FRMD1: variants seen among roughly 807,000 people sequenced by gnomAD.
FRMD1 encodes the protein FERM domain-containing protein 1.
FRMD1 carries 51 observed loss-of-function variants against 54.9 expected under a neutral mutation model. The ratio of observed to expected loss-of-function variants is 0.93; its 90% CI spans 0.74 to 1.17. The LOEUF (loss-of-function observed/expected upper bound fraction) is 1.17, where lower values mean the gene tolerates loss of function less well. FRMD1 is among the 50% of genes most tolerant of loss of function. The pLI, the probability that FRMD1 is intolerant of heterozygous loss-of-function variation, is 0.00. For missense variants in FRMD1, 729 were observed against 743.0 expected (o/e 0.98, Z 0.22); for synonymous variants, 324 against 306.4 (o/e 1.06, Z -0.60).
intron 10 of FRMD1, 91 bp from the exon 11 acceptor site, chr6:168,057,430 A>T: frequency 6.5e-7 from 1 of 1,545,470 alleles, no homozygotes; most frequent in Non-Finnish European, 8.7e-7. Flanking sequence ...CCACAGAGCC[A>T]CACTCCCTGC....
chr6:168,065,902 T>G, intron 4 of FRMD1: 2 of 1,000,232 alleles, frequency 2.0e-6, no homozygotes, highest in Non-Finnish European at 1.2e-6. Context: ...CACGCACCCC[T>G]GAAGCTCTGT....
intron 4 of FRMD1, chr6:168,065,751 C>G (rs1332140365): frequency 5.0e-6 from 5 of 990,612 alleles, no homozygotes; most frequent in Non-Finnish European, 6.0e-6. Context: ...CTCCAGAACC[C>G]TCCCACACAA....
upstream of FRMD1, among the ~76,000 whole-genome samples, chr6:168,086,546 C>T (rs9455949): frequency 2.7e-5 from 2 of 74,872 alleles, no homozygotes; most frequent in Admixed American, 1.5e-4. Context: ...ACACCCACAT[C>T]TTCAGTGTGG....
chr6:168,092,165 C>T (rs561629060), intron 1 of FRMD1, among the ~76,000 whole-genome samples: 5 of 152,376 alleles, frequency 3.3e-5, no homozygotes, highest in South Asian at 2.1e-4. Context: ...CACAGTGCCC[C>T]GTCTGCTCTG....
rs371512293 is a variant in FRMD1 at position 168,064,865 on chromosome 6, C to A, written c.648+6G>T. 4.8e-5 allele frequency: 74 copies of A among 1,555,316 alleles called. No individual in the cohort carries two copies. The highest frequency in any genetic ancestry group is 6.0e-5 in the Non-Finnish European group (69 of 1,149,640). ...AGTGCTGGGAGGAGGTGGGCCCTGACCTTACCCACTGTGGGAAGTAGGAGT... is the reference window on the plus strand; with the variant it reads ...AGTGCTGGGAGGAGGTGGGCCCTGAACTTACCCACTGTGGGAAGTAGGAGT... On this transcript the variant is annotated splice_donor_region_variant and intron_variant, in intron 5 of 10. Coordinates refer to ENST00000283309, the MANE Select transcript of FRMD1 (RefSeq NM_024919.6).
chr6:168,062,049 T>C, intron 7 of FRMD1, 68 bp from the exon 8 acceptor site: 2 of 1,499,592 alleles, frequency 1.3e-6, no homozygotes, highest in Non-Finnish European at 1.8e-6. Context: ...GAAAGGATGA[T>C]TTTAAATGTC....
intron 5 of FRMD1, among the ~76,000 whole-genome samples, chr6:168,064,407 C>T (rs1392079326): frequency 6.6e-6 from 1 of 152,214 alleles, no homozygotes; most frequent in East Asian, 1.9e-4. Context: ...TGGTACAGCC[C>T]ACGCCTCTCC....
chr6:168,085,643 G>GTGGCCACCAGCA (rs1487839894), upstream of FRMD1, among the ~76,000 whole-genome samples: 1 of 152,230 alleles, frequency 6.6e-6, no homozygotes, highest in Non-Finnish European at 1.5e-5. Flanking sequence ...ACGGAAGGGC[G>GTGGCCACCAGCA]TGGCCACCAG....
chr6:168,072,568 C>T lies in FRMD1; in HGVS notation c.304+2677G>A, dbSNP rs545219271. On this transcript the variant is annotated intron_variant, in intron 2 of 10. Coordinates refer to ENST00000283309, the MANE Select transcript of FRMD1 (RefSeq NM_024919.6). ...GCAGAGTGGAGCGCGGACCAGAGCTCGCCCCCCAAACACGGCGGCTCCAAC... is the reference window on the plus strand; with the variant it reads ...GCAGAGTGGAGCGCGGACCAGAGCTTGCCCCCCAAACACGGCGGCTCCAAC... 2.0e-3 allele frequency among the ~76,000 whole-genome samples: 308 copies of T among 152,320 alleles called. 1 individual carries two copies. The highest frequency in any genetic ancestry group is 2.7e-3 in the Non-Finnish European group (181 of 68,024).
intron 1 of FRMD1, among the ~76,000 whole-genome samples, chr6:168,076,887 G>A (rs1800617880): frequency 2.0e-5 from 3 of 152,156 alleles, no homozygotes; most frequent in Admixed American, 6.5e-5. Context: ...TGCAGACACA[G>A]GTGTGCACAC....
chr6:168,060,491 GTC>G (rs143861390), intron 9 of FRMD1, among the ~76,000 whole-genome samples: 191 of 152,252 alleles, frequency 1.3e-3, no homozygotes, highest in African/African-American at 4.5e-3. Context: ...CACCTCTCCT[GTC>G]TCTGATCCCA....
intron 5 of FRMD1, among the ~76,000 whole-genome samples, chr6:168,064,010 C>T (rs561867296): frequency 5.9e-5 from 9 of 152,334 alleles, no homozygotes; most frequent in African/African-American, 1.7e-4. Flanking sequence ...CCTCCTCAGA[C>T]GTCTGCAGGT....
rs537822033 is a variant in FRMD1 at position 168,061,189 on chromosome 6, A to C, written c.1046-132T>G. On this transcript the variant is annotated intron_variant, in intron 8 of 10. Coordinates refer to ENST00000283309, the MANE Select transcript of FRMD1 (RefSeq NM_024919.6). ...AGGACGTGGAACAGGCAGGGAGACC[A>C]GGCCTGCGGGTAAACGCTGAGGCCA... The C allele has an allele frequency of 8.8e-5, 78 of 882,510 alleles. No homozygotes were observed. The African/African-American group carries it at 1.2e-3, about 14-fold the overall frequency. The allele number at this position is 882,510 out of a possible 1,614,324, so 54.7% of individuals were successfully genotyped here.
chr6:168,080,829 T>G (rs28447158), upstream of FRMD1, among the ~76,000 whole-genome samples: 130,054 of 151,236 alleles, frequency 0.86, 55,916 homozygotes, highest in Middle Eastern at 0.9. Flanking sequence ...GGGCGCTGGT[T>G]TGTGCGGGCG....
At chr6:168,078,628 A>ACGGCTCTGCT (rs1453128750) in intron 1 of FRMD1, among the ~76,000 whole-genome samples, 6 of 77,184 alleles carry the variant, frequency 7.8e-5, no homozygotes, top group Non-Finnish European at 9.5e-5. Flanking sequence ...GCTCACCCCC[A>ACGGCTCTGCT]CAGCCTTGCT....
intron 2 of FRMD1, among the ~76,000 whole-genome samples, chr6:168,073,153 G>A (rs969585886): frequency 2.6e-5 from 4 of 152,182 alleles, no homozygotes; most frequent in Non-Finnish European, 5.9e-5. Context: ...GCTCCCGGGT[G>A]TAAGCCCAGT....
At chr6:168,084,964 C>T (rs1333555621), upstream of FRMD1, among the ~76,000 whole-genome samples, 3 of 152,082 alleles carry the variant, frequency 2.0e-5, no homozygotes, top group Admixed American at 2.0e-4. Flanking sequence ...TGGGGGAGGG[C>T]GGGACCCACT....
At position 168,066,851 on chromosome 6, in the gene FRMD1, A is replaced by G; in HGVS notation, c.385-20T>C. The G allele has an allele frequency of 6.2e-7, 1 of 1,610,280 alleles. No homozygotes were observed. The highest frequency in any genetic ancestry group is 8.5e-7 in the Non-Finnish European group (1 of 1,178,932). Reference sequence around the variant, plus strand: ...ATTTCCCTAGTGGGGAAAATGCAAGAAAGAGCAAGTGAGCCGCAGGGAGGT... The same window carrying G: ...ATTTCCCTAGTGGGGAAAATGCAAGGAAGAGCAAGTGAGCCGCAGGGAGGT... On this transcript the variant is annotated intron_variant, in intron 3 of 10. Coordinates refer to ENST00000283309, the MANE Select transcript of FRMD1 (RefSeq NM_024919.6).
At position 168,057,286 on chromosome 6, in the gene FRMD1, G is replaced by T. The variant is rs3734899; in HGVS notation, c.1461C>A (p.Asp487Glu). Residue 487 changes from aspartate to glutamate, a missense_variant, in exon 11 of 11, where the codon GAC (aspartate) becomes GAA (glutamate). Physicochemically the swap from Asp to Glu is conservative, Grantham distance 45 (BLOSUM62 2). Coordinates refer to ENST00000283309, the MANE Select transcript of FRMD1 (RefSeq NM_024919.6). ...VSEEQHSHGL[D>E]DMQLHQLALH... ...GGGCCAGCTGGTGCAGCTGCATGTCGTCCAGGCCATGGCTGTGCTGCTCCT... is the reference window on the plus strand; with the variant it reads ...GGGCCAGCTGGTGCAGCTGCATGTCTTCCAGGCCATGGCTGTGCTGCTCCT... 6.2e-7 allele frequency: 1 copy of T among 1,611,590 alleles called. No homozygotes were observed. Among genetic ancestry groups the T allele is most frequent in the Non-Finnish European group, 8.5e-7 (1 of 1,179,318 alleles).
Sources: gnomAD v4.1 joint callset for allele counts (sites outside exome capture counted in the v4.1 genomes callset) on GRCh38, gnomAD v4.1.1 for gene constraint, MANE v1.5 for transcripts, NCBI Gene and HGNC (gene_info 2026-07-23, HGNC 2026-07-21) for gene names.